The following C16orf89 variants were observed in gnomAD, a reference collection of about 807,000 sequenced individuals.
C16orf89 encodes the protein chromosome 16 open reading frame 89.
Under a neutral mutation model 41.5 loss-of-function variants are expected in C16orf89, and 57 were observed. The observed-to-expected ratio is 1.38, with a 90% CI of 1.11 to 1.71. C16orf89 has a LOEUF of 1.71. Among genes scored for constraint, C16orf89 ranks in the 40% most tolerant of loss-of-function variants. The probability of loss-of-function intolerance (pLI) is 0.00; values close to 1 mark genes in which losing one functional copy is unlikely to be tolerated. For synonymous variants in C16orf89, 223 were observed against 190.6 expected (o/e 1.17, Z -1.40); for missense variants, 575 against 445.9 (o/e 1.29, Z -2.61).
At chr16:5,044,570 C>T (rs1424424535) in intron 7 of C16orf89, 92 bp from the exon 8 acceptor site, 7 of 1,552,422 alleles carry the variant, frequency 4.5e-6, no homozygotes, top group East Asian at 2.4e-5. Flanking sequence ...CAGCCAGACG[C>T]GGTGGCTCAC....
intron 7 of C16orf89, among the ~76,000 whole-genome samples, chr16:5,047,643 T>G (rs1226864073): frequency 6.6e-6 from 1 of 152,060 alleles, no homozygotes; most frequent in Non-Finnish European, 1.5e-5. Context: ...AAGTTTTGTA[T>G]TTTTAGTAGA....
At chr16:5,056,842 T>A (rs1956518380) in intron 4 of C16orf89, among the ~76,000 whole-genome samples, 1 of 152,240 alleles carries the variant, frequency 6.6e-6, no homozygotes, top group African/African-American at 2.4e-5. Context: ...AATTTTTAAA[T>A]TCTGTTGAAC....
chr16:5,044,995 C>T (rs1956269428), intron 7 of C16orf89, among the ~76,000 whole-genome samples: 1 of 152,288 alleles, frequency 6.6e-6, no homozygotes, highest in South Asian at 2.1e-4. Context: ...ATGTCCCTCC[C>T]AAATAACTTA....
rs1956251164 is a variant in C16orf89 at position 5,044,229 on chromosome 16, C to A, written c.*119G>T. ...CTTCCAAGATTGGGTGTCGGGGTGG[C>A]TTTGCTTATCCTCCAGATGCCTTCT... is the stretch of plus-strand genomic sequence containing the variant. On this transcript the variant is annotated 3_prime_UTR_variant, in exon 8 of 8. Transcript: ENST00000472572. 7.0e-7 allele frequency: 1 copy of A among 1,437,002 alleles called. No individual in the cohort carries two copies. Among genetic ancestry groups the A allele is most frequent in the Non-Finnish European group, 9.1e-7 (1 of 1,100,908 alleles). The allele number at this position is 1,437,002 out of a possible 1,614,324, so 89.0% of individuals were successfully genotyped here. A position where few individuals can be genotyped will look rare whatever the true frequency, so the allele number is the denominator to read the frequency against.
At chr16:5,050,403 A>G (rs970387539) in intron 6 of C16orf89, among the ~76,000 whole-genome samples, 1 of 152,088 alleles carries the variant, frequency 6.6e-6, no homozygotes, top group Admixed American at 6.6e-5. Flanking sequence ...AAATGGATAA[A>G]TTGCTGGACA....
In C16orf89 at chr16:5,056,073, C is replaced by T. The variant is rs774928212; in HGVS notation, c.743G>A (p.Arg248Gln). The T allele has an allele frequency of 3.5e-5, 56 of 1,594,634 alleles. No homozygotes were observed. Among genetic ancestry groups the T allele is most frequent in the South Asian group, 3.1e-4 (28 of 90,660 alleles). Residue 248 changes from arginine (R) to glutamine (Q), a missense_variant, in exon 5 of 8, where the codon CGG becomes CAG. Physicochemically the swap from Arg to Gln is conservative, Grantham distance 43. Transcript: ENST00000472572. ...CATACTGTTTTCCATGAAGATGTCC[C>T]GGGTAGGGTAGGCGTATCCGATGGC... ...AEAIGYAYPTRDIFMENIMFC... is the reference protein window; with the variant it reads ...AEAIGYAYPTQDIFMENIMFC...
At chr16:5,052,382 G>C (rs556073610) in intron 6 of C16orf89, among the ~76,000 whole-genome samples, 122 of 152,238 alleles carry the variant, frequency 8.0e-4, no homozygotes, top group South Asian at 4.4e-3. Flanking sequence ...TTGAGCTCAG[G>C]AATTCTGGAT....
intron 3 of C16orf89, 187 bp downstream of exon 3, chr16:5,060,099 C>A: frequency 3.4e-6 from 2 of 588,276 alleles, no homozygotes; most frequent in Admixed American, 7.0e-5. Context: ...GGCCAGCGGG[C>A]GGCTGGAGCA....
chr16:5,058,069 T>C (rs1190170049), intron 4 of C16orf89, among the ~76,000 whole-genome samples: 1 of 152,090 alleles, frequency 6.6e-6, no homozygotes, highest in Admixed American at 6.6e-5. Context: ...AAAGCTCTGC[T>C]TATTTTCCTG....
intron 6 of C16orf89, among the ~76,000 whole-genome samples, chr16:5,051,818 G>A (rs80275600): frequency 0.086 from 13,128 of 152,184 alleles, 777 homozygotes; most frequent in Non-Finnish European, 0.13. Context: ...AACAAAATAT[G>A]GCCAGGTGCG....
intron 6 of C16orf89, among the ~76,000 whole-genome samples, chr16:5,052,456 TG>T (rs772994492): frequency 2.0e-5 from 3 of 152,144 alleles, no homozygotes; most frequent in Non-Finnish European, 4.4e-5. Flanking sequence ...CGGGTGTTGG[TG>T]GCTCCCACCT....
intron 7 of C16orf89, 129 bp downstream of exon 7, chr16:5,047,749 G>A: frequency 1.5e-6 from 1 of 672,536 alleles, no homozygotes; most frequent in Non-Finnish European, 2.7e-6. Context: ...CAACATGAAG[G>A]CCCTCTGATT....
At chr16:5,057,070 T>A (rs534053444) in intron 4 of C16orf89, among the ~76,000 whole-genome samples, 72 of 151,898 alleles carry the variant, frequency 4.7e-4, no homozygotes, top group African/African-American at 1.3e-3. Flanking sequence ...AAACCCCATC[T>A]CTACTAAAAA....
intron 3 of C16orf89, among the ~76,000 whole-genome samples, chr16:5,060,029 C>G (rs1241985464): frequency 6.6e-6 from 1 of 152,004 alleles, no homozygotes; most frequent in African/African-American, 2.4e-5. Flanking sequence ...GGGATTTGTC[C>G]TGGGGCCTGG....
chr16:5,046,228 G>C (rs778783539), intron 7 of C16orf89, among the ~76,000 whole-genome samples: 50 of 152,196 alleles, frequency 3.3e-4, no homozygotes, highest in Non-Finnish European at 6.0e-4. Context: ...GGTTGATGGA[G>C]AGATGTTTAG....
At chr16:5,048,276 C>T (rs914186382) in intron 6 of C16orf89, among the ~76,000 whole-genome samples, 1 of 152,142 alleles carries the variant, frequency 6.6e-6, no homozygotes, top group African/African-American at 2.4e-5. Flanking sequence ...CTCAAGTGAC[C>T]CTCCAGCCTT....
chr16:5,057,361 A>G (rs1956531910), intron 4 of C16orf89, among the ~76,000 whole-genome samples: 2 of 144,274 alleles, frequency 1.4e-5, no homozygotes, highest in African/African-American at 2.5e-5. Context: ...TAGTGATTAT[A>G]TATATCGTGA....
At position 5,047,977 on chromosome 16, in the gene C16orf89, C is replaced by T; in HGVS notation, c.869-13G>A. On this transcript the variant is annotated splice_polypyrimidine_tract_variant and intron_variant, in intron 6 of 7. Coordinates refer to ENST00000472572, the MANE Select transcript of C16orf89 (RefSeq NM_001098514.3). ...TCATCTTCAGCATCTGGGAGAAGAG[C>T]AAAAGTTGAACTTCTCAAGAGAGAT... The T allele has an allele frequency of 7.0e-7, 1 of 1,418,544 alleles. No individual in the cohort carries two copies. Among genetic ancestry groups the T allele is most frequent in the Non-Finnish European group, 9.9e-7 (1 of 1,005,838 alleles). The allele number at this position is 1,418,544 out of a possible 1,614,324, so 87.9% of individuals were successfully genotyped here.
chr16:5,047,474 T>TC (rs1024049362), intron 7 of C16orf89, among the ~76,000 whole-genome samples: 30 of 150,608 alleles, frequency 2.0e-4, no homozygotes, highest in Admixed American at 2.6e-4. Context: ...TTTCTTTCTT[T>TC]TTTTTTTTTT....
Sources: gnomAD v4.1 joint callset for allele counts (sites outside exome capture counted in the v4.1 genomes callset) on GRCh38, gnomAD v4.1.1 for gene constraint, MANE v1.5 for transcripts, NCBI Gene and HGNC (gene_info 2026-07-23, HGNC 2026-07-21) for gene names.